The following ELFN1 variants were observed in gnomAD, a reference collection of about 807,000 sequenced individuals.
The protein encoded by ELFN1 is extracellular leucine rich repeat and fibronectin type III domain containing 1, also known as protein ELFN1.
In ELFN1, 6 loss-of-function variants were observed where a neutral mutation model predicts 7.6. That is an observed-to-expected ratio of 0.79 (90% CI 0.43 to 1.56). The LOEUF is 1.56. Ranked by LOEUF, ELFN1 falls within the 40% of genes most tolerant of loss-of-function variation. The pLI is 0.01. For synonymous variants in ELFN1, 657 were observed against 588.1 expected (o/e 1.12, Z -1.70); for missense variants, 1,169 against 1,232.2 (o/e 0.95, Z 0.77).
chr7:1,707,720 T>C (rs192091440), intron 2 of ELFN1, among the ~76,000 whole-genome samples: 2 of 152,362 alleles, frequency 1.3e-5, no homozygotes, highest in East Asian at 3.9e-4. Context: ...TAAGTAATAA[T>C]CTCTAACTGA....
In ELFN1 at chr7:1,735,269, G is replaced by A. The variant is rs527765081; in HGVS notation, c.-293-9035G>A. On this transcript the variant is annotated intron_variant, in intron 3 of 3. Coordinates refer to ENST00000424383, the MANE Select transcript of ELFN1 (RefSeq NM_001128636.4). This position sits in a 1 kb window ranked among gnomAD's most constrained non-coding sequence, Gnocchi z 5.9. ...TCCTGCTCTTGGGGGCAGGGCAGGGGGAGCCCTGCAGCTTCCATGAGTCGT... is the reference window on the plus strand; with the variant it reads ...TCCTGCTCTTGGGGGCAGGGCAGGGAGAGCCCTGCAGCTTCCATGAGTCGT... 8.9e-4 allele frequency among the ~76,000 whole-genome samples: 135 copies of A among 152,246 alleles called. No homozygotes were observed. The highest frequency in any genetic ancestry group is 3.2e-3 in the African/African-American group (131 of 41,542).
rs545110187 is a variant in ELFN1, at chr7:1,720,151, G to C, written c.-294+10899G>C. On this transcript the variant is annotated intron_variant, in intron 3 of 3. Transcript: ENST00000424383. ...ATGCTGCCTGGAGATGTCCCAGCCA[G>C]ACACCTCTCCTTTTAAACCCCACCC... 2.3e-3 allele frequency among the ~76,000 whole-genome samples: 348 copies of C among 152,348 alleles called. 1 individual carries two copies. The highest frequency in any genetic ancestry group is 8.2e-3 in the African/African-American group (340 of 41,572).
intron 2 of ELFN1, among the ~76,000 whole-genome samples, chr7:1,708,392 A>G (rs1351468903): frequency 1.3e-5 from 2 of 152,318 alleles, no homozygotes; most frequent in East Asian, 1.9e-4. Context: ...TGTGGGCGGC[A>G]TAGTTCACTG....
chr7:1,694,632 T>C (rs576949525), intron 2 of ELFN1, among the ~76,000 whole-genome samples: 2 of 151,632 alleles, frequency 1.3e-5, no homozygotes, highest in African/African-American at 4.8e-5. Flanking sequence ...CTTGAAGGAG[T>C]CAGCTCCCCC....
chr7:1,708,057 C>T (rs995353592), intron 2 of ELFN1, among the ~76,000 whole-genome samples: 1 of 152,186 alleles, frequency 6.6e-6, no homozygotes, highest in African/African-American at 2.4e-5. Context: ...CACCTAGAAC[C>T]CCCCTTTGTC....
At chr7:1,738,116 A>G (rs1780501429) in intron 3 of ELFN1, among the ~76,000 whole-genome samples, 1 of 152,164 alleles carries the variant, frequency 6.6e-6, no homozygotes, top group Admixed American at 6.5e-5. Context: ...TTCCCCCGCT[A>G]GCCCAGGCGA....
At chr7:1,741,300 GC>G (rs1272772534) in intron 3 of ELFN1, among the ~76,000 whole-genome samples, 1 of 152,198 alleles carries the variant, frequency 6.6e-6, no homozygotes, top group Non-Finnish European at 1.5e-5. Flanking sequence ...AGATCTCCCT[GC>G]CCAGGAGACT....
chr7:1,724,133 G>A (rs1041310481), intron 3 of ELFN1, among the ~76,000 whole-genome samples: 77 of 152,218 alleles, frequency 5.1e-4, no homozygotes, highest in Non-Finnish European at 1.5e-4. Flanking sequence ...CAGCACAGAC[G>A]TCACAGGGTT....
rs1780733631 is a variant in ELFN1, at chr7:1,744,965, C to G, written c.369C>G (p.Leu123=). Residue 123 remains leucine, a synonymous_variant, in exon 4 of 4, where the codon CTC becomes CTG. Coordinates refer to ENST00000424383, the MANE Select transcript of ELFN1 (RefSeq NM_001128636.4). ...TGGGCTACAACCGGCTGCGCAACCT[C>G]ACGGAGGGCATGCTGCGCGGCCTGG... ...LQLGYNRLRN[L]TEGMLRGLGK... is the part of the protein sequence containing the mutation. 1 of 1,551,332 alleles carries G rather than the reference C, an allele frequency of 6.4e-7. No individual in the cohort carries two copies. Among genetic ancestry groups the G allele is most frequent in the African/African-American group, 1.4e-5 (1 of 73,178 alleles).
intron 2 of ELFN1, among the ~76,000 whole-genome samples, chr7:1,689,350 T>C (rs188162132): frequency 1.2e-4 from 19 of 152,350 alleles, no homozygotes; most frequent in African/African-American, 4.6e-4. Context: ...AGTCATCTAA[T>C]GTGTCTGAGG....
At chr7:1,690,841 T>C (rs1289413659) in intron 2 of ELFN1, among the ~76,000 whole-genome samples, 1 of 151,716 alleles carries the variant, frequency 6.6e-6, no homozygotes. Context: ...GATGGATGAA[T>C]TGGTGGGTAA....
At chr7:1,719,227 C>A (rs1779933929) in intron 3 of ELFN1, among the ~76,000 whole-genome samples, 1 of 147,338 alleles carries the variant, frequency 6.8e-6, no homozygotes, top group Non-Finnish European at 1.5e-5. Flanking sequence ...ACCAACAGGA[C>A]CCAAGCCACC....
chr7:1,678,560 G>A (rs1778916852), intron 1 of ELFN1, among the ~76,000 whole-genome samples: 1 of 152,104 alleles, frequency 6.6e-6, no homozygotes, highest in African/African-American at 2.4e-5. Context: ...GGACACCCTT[G>A]GGCCCCCACC....
chr7:1,731,132 T>C (rs1780317365), intron 3 of ELFN1, among the ~76,000 whole-genome samples: 1 of 152,166 alleles, frequency 6.6e-6, no homozygotes, highest in Admixed American at 6.5e-5. Flanking sequence ...AGGATCATTA[T>C]GAAAAACTCT....
rs528010784 is a variant in ELFN1, at chr7:1,729,381, C to T, written c.-293-14923C>T. Among the ~76,000 whole-genome samples the T allele has an allele frequency of 9.2e-5, 14 of 152,266 alleles. No homozygotes were observed. In the South Asian group the frequency reaches 1.7e-3, roughly 18 times the overall value. On this transcript the variant is annotated intron_variant, in intron 3 of 3. Coordinates refer to ENST00000424383, the MANE Select transcript of ELFN1 (RefSeq NM_001128636.4). ...AGGCACTGGGAAGGGCTCAGCAGGG[C>T]GGTTCACCTCTGCTCAGCAGCGGCT...
At chr7:1,697,185 G>GC (rs1003857290) in intron 2 of ELFN1, among the ~76,000 whole-genome samples, 7 of 152,214 alleles carry the variant, frequency 4.6e-5, no homozygotes, top group Non-Finnish European at 8.8e-5. Context: ...GCAGAGAGGA[G>GC]CCCCCCACCC....
chr7:1,746,070 G>C lies in ELFN1; in HGVS notation c.1474G>C (p.Glu492Gln). 1 of 1,547,018 alleles carries C rather than the reference G, an allele frequency of 6.5e-7. No individual in the cohort carries two copies. Among genetic ancestry groups the C allele is most frequent in the Non-Finnish European group, 8.7e-7 (1 of 1,145,242 alleles). Residue 492 changes from glutamate to glutamine, a missense_variant, in exon 4 of 4, where the codon GAG becomes CAG. Coordinates refer to ENST00000424383, the MANE Select transcript of ELFN1 (RefSeq NM_001128636.4). ...GTCCCAGGGCCCGCTGCTGGGCCCCGAGGCCGTGACGCGCATCCCTTACCT... is the reference window on the plus strand; with the variant it reads ...GTCCCAGGGCCCGCTGCTGGGCCCCCAGGCCGTGACGCGCATCCCTTACCT... The part of the protein sequence containing the change: ...PLSQGPLLGP[E>Q]AVTRIPYLPA...
Position 1,695,747 on chromosome 7 carries a change from C to CAAAAAAAAAAAAAAAA in ELFN1, c.-456+7607_-456+7622dup. 1.7e-5 allele frequency among the ~76,000 whole-genome samples: 1 copy of CAAAAAAAAAAAAAAAA among 59,206 alleles called. No homozygotes were observed. The highest frequency in any genetic ancestry group is 3.1e-5 in the Non-Finnish European group (1 of 32,058). The allele number at this position is 59,206 out of a possible 152,430, so 38.8% of individuals were successfully genotyped here. On this transcript the variant is annotated intron_variant, in intron 2 of 3. Coordinates refer to ENST00000424383, the MANE Select transcript of ELFN1 (RefSeq NM_001128636.4). The surrounding 1 kb of genome is among the most constrained non-coding windows in gnomAD (Gnocchi z 5.1). ...TGGGTGACAGAGCGAGACTCCGTGT[C>CAAAAAAAAAAAAAAAA]AAAAAAAAAAAAAAAAAAAAAAAAA...
At chr7:1,686,311 G>GTTTTTTTTTTTTTTTTTTTT (rs1202953401) in intron 1 of ELFN1, among the ~76,000 whole-genome samples, 1 of 113,964 alleles carries the variant, frequency 8.8e-6, no homozygotes, top group Non-Finnish European at 1.8e-5. Flanking sequence ...GTTTGTCCTT[G>GTTTTTTTTTTTTTTTTTTTT]TTTTTTTTTT....
Sources: allele counts gnomAD v4.1 joint callset (sites outside exome capture counted in the v4.1 genomes callset), GRCh38; gene constraint gnomAD v4.1.1; non-coding constraint Gnocchi (gnomAD v3.1); transcripts MANE v1.5; gene names NCBI Gene and HGNC (gene_info 2026-07-23, HGNC 2026-07-21).